Variants in ATP11C observed in about 807,000 individuals in gnomAD.
The protein encoded by ATP11C is phospholipid-transporting ATPase IG.
Under a neutral mutation model 97.4 loss-of-function variants are expected in ATP11C, and 36 were observed. That is an observed-to-expected ratio of 0.37 (90% CI 0.28 to 0.49). The LOEUF (loss-of-function observed/expected upper bound fraction) is 0.49. Ranked by LOEUF, ATP11C falls within the 20% of genes least tolerant of loss-of-function variation. The pLI, the probability that ATP11C is intolerant of heterozygous loss-of-function variation, is 0.98. For synonymous variants in ATP11C, 275 were observed against 290.9 expected, an observed-to-expected ratio of 0.95 and a Z score of 0.56; for missense variants, 730 against 824.6, an observed-to-expected ratio of 0.89 and a Z score of 1.40.
chrX:139,917,630 A>G (rs1054638962), intron 1 of ATP11C, among the ~76,000 whole-genome samples: 1 of 111,812 alleles, frequency 8.9e-6, no homozygotes, highest in African/African-American at 3.3e-5. Flanking sequence ...GCAAATCAAA[A>G]TCACAATAAG....
At chrX:139,881,821 G>C (rs143367878) in intron 1 of ATP11C, among the ~76,000 whole-genome samples, 1 of 111,707 alleles carries the variant, frequency 9.0e-6, no homozygotes, top group Non-Finnish European at 1.9e-5. Context: ...CAAGAAAGAA[G>C]TCTCTCAGGA....
intron 7 of ATP11C, 131 bp from the exon 8 acceptor site, chrX:139,800,241 C>T: frequency 2.1e-6 from 1 of 467,512 alleles, no homozygotes; most frequent in Non-Finnish European, 3.6e-6. Context: ...ACTACAAAAG[C>T]CTATTATATT....
At chrX:139,851,708 C>A (rs150855460) in intron 1 of ATP11C, among the ~76,000 whole-genome samples, 1 of 111,670 alleles carries the variant, frequency 9.0e-6, no homozygotes, top group African/African-American at 3.3e-5. Flanking sequence ...GCCTTGGGGG[C>A]CAAATCTCTA....
intron 1 of ATP11C, among the ~76,000 whole-genome samples, chrX:139,913,837 C>T (rs988014860): frequency 1.8e-5 from 2 of 111,603 alleles, no homozygotes; most frequent in East Asian, 2.8e-4. Flanking sequence ...TTCACACGGA[C>T]GCGAGTGAAA....
chrX:139,814,882 A>AT lies in ATP11C; in HGVS notation c.421dup (p.Ile141AsnfsTer5), dbSNP rs1455859317. 1 of 1,152,474 alleles carries AT rather than the reference A, an allele frequency of 8.7e-7. No individual in the cohort carries two copies. The highest frequency in any genetic ancestry group is 1.2e-6 in the Non-Finnish European group (1 of 861,589). 95.0% of individuals were successfully genotyped at this position (1,152,474 alleles called of 1,213,427 possible). ...GAGTGGACTAAGAAAAAATACCTTGATTTTTTCACTTTCTTTTCTCACTCG... is the reference window on the plus strand; with the variant it reads ...GAGTGGACTAAGAAAAAATACCTTGATTTTTTTCACTTTCTTTTCTCACTCG... On this transcript the variant is annotated frameshift_variant, in exon 5 of 30. Transcript: ENST00000682941. LOFTEE classifies it high-confidence loss of function.
At chrX:139,782,407 TG>T in intron 18 of ATP11C, 139 bp downstream of exon 18, 1 of 368,934 alleles carries the variant, frequency 2.7e-6, no homozygotes, top group Non-Finnish European at 4.5e-6. Flanking sequence ...TTTTCATACT[TG>T]CTATAATAAA....
intron 5 of ATP11C, among the ~76,000 whole-genome samples, chrX:139,809,936 A>G (rs1375906105): frequency 4.5e-5 from 5 of 111,791 alleles, no homozygotes; most frequent in Non-Finnish European, 7.5e-5. Flanking sequence ...ATTGTACTCC[A>G]GCCTGGGCAA....
chrX:139,788,142 C>A, intron 14 of ATP11C, 50 bp downstream of exon 14: 1 of 1,069,443 alleles, frequency 9.4e-7, no homozygotes, highest in South Asian at 2.2e-5. Context: ...TAACTTCTGT[C>A]CTCCTGTGAT....
At chrX:139,920,644 G>A (rs2085244826) in intron 1 of ATP11C, among the ~76,000 whole-genome samples, 2 of 111,865 alleles carry the variant, frequency 1.8e-5, no homozygotes, top group Non-Finnish European at 3.8e-5. Flanking sequence ...CCACTTAAGT[G>A]TATACTTTAA....
At chrX:139,801,000 G>C (rs1288667138) in intron 7 of ATP11C, among the ~76,000 whole-genome samples, 1 of 111,886 alleles carries the variant, frequency 8.9e-6, no homozygotes, top group Non-Finnish European at 1.9e-5. Context: ...AAAGTAAATA[G>C]GCAATTACGA....
intron 2 of ATP11C, among the ~76,000 whole-genome samples, chrX:139,824,027 G>T (rs1053678001): frequency 9.4e-6 from 1 of 106,829 alleles, no homozygotes; most frequent in Admixed American, 1.0e-4. Context: ...CTGTAATCCC[G>T]GCACTTTCGG....
chrX:139,743,024 C>T (rs959310013), intron 26 of ATP11C, among the ~76,000 whole-genome samples: 1 of 107,975 alleles, frequency 9.3e-6, no homozygotes, highest in Non-Finnish European at 1.9e-5. Context: ...GCATGAGCCA[C>T]CAACCTGGCC....
At chrX:139,837,694 C>T (rs2083768977) in intron 1 of ATP11C, among the ~76,000 whole-genome samples, 1 of 112,171 alleles carries the variant, frequency 8.9e-6, no homozygotes, top group African/African-American at 3.2e-5. Context: ...AATTAAAGTG[C>T]ATTTGCATTG....
chrX:139,916,385 T>A (rs2085156748), intron 1 of ATP11C, among the ~76,000 whole-genome samples: 1 of 111,701 alleles, frequency 9.0e-6, no homozygotes, highest in African/African-American at 3.3e-5. Context: ...TGTCAGGCAG[T>A]GAGGCATTAG....
intron 22 of ATP11C, among the ~76,000 whole-genome samples, chrX:139,758,532 C>G (rs1330109063): frequency 9.0e-6 from 1 of 111,441 alleles, no homozygotes; most frequent in East Asian, 2.8e-4. Context: ...GGACCACTGT[C>G]CTAAGGGACT....
chrX:139,796,969 T>A (rs1207013408), intron 11 of ATP11C, among the ~76,000 whole-genome samples: 1 of 110,755 alleles, frequency 9.0e-6, no homozygotes, highest in Non-Finnish European at 1.9e-5. Context: ...ATAAAGAAAA[T>A]AAAAGTTTTT....
intron 1 of ATP11C, among the ~76,000 whole-genome samples, chrX:139,898,983 G>T (rs960187865): frequency 6.3e-5 from 7 of 111,614 alleles, no homozygotes; most frequent in Non-Finnish European, 1.1e-4. Flanking sequence ...CCTTTGATAT[G>T]ATATGAAATG....
chrX:139,755,411 C>G (rs1338007064), intron 23 of ATP11C, among the ~76,000 whole-genome samples: 1 of 111,829 alleles, frequency 8.9e-6, no homozygotes, highest in African/African-American at 3.3e-5. Flanking sequence ...CATATTGCCC[C>G]AGGCAATTTA....
chrX:139,776,099 T>C (rs1007935954), intron 18 of ATP11C, among the ~76,000 whole-genome samples: 13 of 111,248 alleles, frequency 1.2e-4, no homozygotes, highest in Non-Finnish European at 2.5e-4. Context: ...CTGAAGGGGG[T>C]AGCACTGAGG....
Sources: gnomAD v4.1 joint callset for allele counts (sites outside exome capture counted in the v4.1 genomes callset) on GRCh38, gnomAD v4.1.1 for gene constraint, MANE v1.5 for transcripts, NCBI Gene and HGNC (gene_info 2026-07-23, HGNC 2026-07-21) for gene names.